Variants in N4BP2L2 observed in about 807,000 individuals in gnomAD.
N4BP2L2 encodes NEDD4 binding protein 2 like 2.
A neutral mutation model predicts 56.2 loss-of-function variants in N4BP2L2; 50 were observed. That is an observed-to-expected ratio of 0.89 (90% CI 0.71 to 1.13). The LOEUF is 1.13. Among genes scored for constraint, N4BP2L2 ranks in the 50% most tolerant of loss-of-function variants. The pLI is 0.00. For synonymous variants in N4BP2L2, 203 were observed against 223.6 expected (o/e 0.91, Z 0.82); for missense variants, 689 against 693.8 (o/e 0.99, Z 0.08).
intron 6 of N4BP2L2, among the ~76,000 whole-genome samples, chr13:32,476,815 ACT>A (rs1209029584): frequency 2.6e-5 from 4 of 152,144 alleles, no homozygotes; most frequent in Non-Finnish European, 4.4e-5. Context: ...GGAATAAGAA[ACT>A]CTAAATAATA....
chr13:32,533,515 ATTTT>A (rs766383227), intron 2 of N4BP2L2, among the ~76,000 whole-genome samples: 110 of 122,260 alleles, frequency 9.0e-4, no homozygotes, highest in Admixed American at 2.5e-3. Context: ...AGCATTACTA[ATTTT>A]TTTTTTTTTT....
intron 6 of N4BP2L2, among the ~76,000 whole-genome samples, chr13:32,492,323 G>T (rs1264575043): frequency 1.7e-5 from 2 of 118,688 alleles, no homozygotes; most frequent in Non-Finnish European, 1.6e-5. Context: ...CGCTTTGTCG[G>T]CGAGGCTGGA....
intron 5 of N4BP2L2, among the ~76,000 whole-genome samples, chr13:32,520,815 G>A (rs1192434825): frequency 2.6e-5 from 4 of 152,128 alleles, no homozygotes; most frequent in Admixed American, 6.6e-5. Flanking sequence ...GTTAAGCTGC[G>A]AAAACTCAGT....
chr13:32,506,684 G>T (rs1184039899), downstream of N4BP2L2: 1 of 152,302 alleles, frequency 6.6e-6, no homozygotes, highest in African/African-American at 2.4e-5. Context: ...AAGAACGGAA[G>T]GGGTATGTGT....
At chr13:32,507,205 G>A (rs2091097309), downstream of N4BP2L2, 1 of 152,170 alleles carries the variant, frequency 6.6e-6, no homozygotes, top group African/African-American at 2.4e-5. Context: ...TCCATTCACT[G>A]TGGCAGGAAA....
intron 6 of N4BP2L2, among the ~76,000 whole-genome samples, chr13:32,498,236 G>C (rs991301113): frequency 6.6e-6 from 1 of 152,158 alleles, no homozygotes; most frequent in African/African-American, 2.4e-5. Flanking sequence ...TCCTCCCAAA[G>C]TGTTGGGATT....
intron 6 of N4BP2L2, among the ~76,000 whole-genome samples, chr13:32,481,697 G>A (rs907916184): frequency 2.0e-5 from 3 of 152,140 alleles, no homozygotes; most frequent in African/African-American, 7.2e-5. Context: ...TAAGATTATG[G>A]CTTTAATTCA....
chr13:32,510,588 A>G (rs1161071348), exon 6 of N4BP2L2: 1 of 144,320 alleles, frequency 6.9e-6, no homozygotes, highest in African/African-American at 2.6e-5. Flanking sequence ...AACCTCTGCC[A>G]CCCAGGTTCA....
intron 3 of N4BP2L2, among the ~76,000 whole-genome samples, chr13:32,526,310 CTG>C (rs998259632): frequency 6.6e-6 from 1 of 152,148 alleles, no homozygotes; most frequent in Non-Finnish European, 1.5e-5. Context: ...AACAAAATAA[CTG>C]TGAAGAGATT....
exon 6 of N4BP2L2, chr13:32,511,956 C>T (rs2048240243): frequency 6.6e-6 from 1 of 152,012 alleles, no homozygotes; most frequent in Non-Finnish European, 1.5e-5. Flanking sequence ...AATTACTCTT[C>T]AGAATTTCTT....
chr13:32,454,644 C>A (rs1171126588), intron 6 of N4BP2L2, among the ~76,000 whole-genome samples: 1 of 152,020 alleles, frequency 6.6e-6, no homozygotes, highest in Non-Finnish European at 1.5e-5. Flanking sequence ...GGATAAAGAA[C>A]TAAAAACAAA....
chr13:32,456,680 T>A (rs1393411360), intron 6 of N4BP2L2, among the ~76,000 whole-genome samples: 1 of 151,866 alleles, frequency 6.6e-6, no homozygotes, highest in Non-Finnish European at 1.5e-5. Context: ...GAGATAGATA[T>A]CATAAAAAAG....
chr13:32,479,605 T>A (rs1444339152), intron 6 of N4BP2L2, among the ~76,000 whole-genome samples: 4 of 149,466 alleles, frequency 2.7e-5, no homozygotes, highest in African/African-American at 9.9e-5. Context: ...CAATGAAATT[T>A]TGTTTTTTCT....
intron 6 of N4BP2L2, among the ~76,000 whole-genome samples, chr13:32,501,372 C>CGA (rs560264482): frequency 1.3e-5 from 2 of 151,754 alleles, no homozygotes; most frequent in African/African-American, 2.4e-5. Flanking sequence ...CCATGAAAAC[C>CGA]GAGAGAGAGG....
intron 6 of N4BP2L2, among the ~76,000 whole-genome samples, chr13:32,502,849 G>T (rs2139594921): frequency 1.3e-5 from 2 of 152,186 alleles, no homozygotes; most frequent in South Asian, 4.1e-4. Flanking sequence ...TCTATTTTCA[G>T]AAAGCTTTGA....
At chr13:32,486,869 T>G (rs1404122473) in intron 6 of N4BP2L2, among the ~76,000 whole-genome samples, 2 of 151,906 alleles carry the variant, frequency 1.3e-5, no homozygotes, top group Non-Finnish European at 2.9e-5. Flanking sequence ...CGTGGTGGCA[T>G]GCACCTGTAG....
At chr13:32,436,831 G>T (rs2075565798) in intron 8 of N4BP2L2, among the ~76,000 whole-genome samples, 1 of 118,328 alleles carries the variant, frequency 8.5e-6, no homozygotes, top group Non-Finnish European at 1.8e-5. Flanking sequence ...AAGAAAGAAA[G>T]AAAGAAAACA....
chr13:32,497,827 G>A (rs80052887), intron 6 of N4BP2L2, among the ~76,000 whole-genome samples: 8,732 of 152,250 alleles, frequency 0.057, 851 homozygotes, highest in African/African-American at 0.2. Flanking sequence ...AATGTCCACA[G>A]ATGTTTCCTT....
At chr13:32,452,797 A>G (rs184700431) in intron 6 of N4BP2L2, among the ~76,000 whole-genome samples, 1 of 152,370 alleles carries the variant, frequency 6.6e-6, no homozygotes, top group East Asian at 1.9e-4. Flanking sequence ...AATTTCTAAT[A>G]TGAGAAATAT....
Sources: allele counts gnomAD v4.1 joint callset (sites outside exome capture counted in the v4.1 genomes callset), GRCh38; gene constraint gnomAD v4.1.1; transcripts MANE v1.5; gene names NCBI Gene and HGNC (gene_info 2026-07-23, HGNC 2026-07-21).